The following NLGN1 variants were observed in gnomAD, a reference collection of about 807,000 sequenced individuals.
NLGN1 encodes neuroligin 1.
A neutral mutation model predicts 65.5 loss-of-function variants in NLGN1; 12 were observed. The ratio of observed to expected loss-of-function variants is 0.18; its 90% CI spans 0.12 to 0.30. The LOEUF (loss-of-function observed/expected upper bound fraction) is 0.30. Ranked by LOEUF, NLGN1 falls within the 10% of genes least tolerant of loss-of-function variation. The pLI, the probability that NLGN1 is intolerant of heterozygous loss-of-function variation, is 1.00. For synonymous variants in NLGN1, 350 were observed against 359.5 expected (o/e 0.97, Z 0.30); for missense variants, 750 against 1,007.1 (o/e 0.74, Z 3.46).
chr3:174,273,301 TC>T (rs1749835447), intron 4 of NLGN1, among the ~76,000 whole-genome samples: 1 of 151,674 alleles, frequency 6.6e-6, no homozygotes, highest in African/African-American at 2.4e-5. Flanking sequence ...ACTCTCTCTC[TC>T]TCTCACACGC....
At chr3:174,243,559 A>G (rs142621531) in intron 4 of NLGN1, among the ~76,000 whole-genome samples, 3 of 152,132 alleles carry the variant, frequency 2.0e-5, no homozygotes, top group African/African-American at 4.8e-5. Context: ...AAATTCCCCT[A>G]TGTAATTCCT....
intron 4 of NLGN1, among the ~76,000 whole-genome samples, chr3:173,917,816 G>A (rs192642703): frequency 3.2e-4 from 47 of 146,616 alleles, no homozygotes; most frequent in Admixed American, 2.9e-3. Flanking sequence ...TAGGAAGGGC[G>A]CTCTGAAATT....
rs567803551 is a variant in NLGN1, at chr3:174,145,383, C to T, written c.647-129932C>T. ...CAAAAATTAGCTGGGCTTGGTGGCG[C>T]GCACCTGTAGTTCCAGTTACTCAGA... On this transcript the variant is annotated intron_variant, in intron 4 of 6. Coordinates refer to ENST00000457714, the Ensembl canonical transcript of NLGN1. Among the ~76,000 whole-genome samples the T allele has an allele frequency of 1.3e-3, 196 of 151,882 alleles. 1 individual carries two copies. In the Middle Eastern group the frequency reaches 0.014, roughly 11 times the overall value.
intron 3 of NLGN1, among the ~76,000 whole-genome samples, chr3:173,630,809 ACTT>A (rs1755571797): frequency 6.6e-6 from 1 of 152,086 alleles, no homozygotes; most frequent in Admixed American, 6.6e-5. Context: ...CATGCCATAA[ACTT>A]CTTGATTTGG....
chr3:173,961,868 G>T (rs919281810), intron 4 of NLGN1, among the ~76,000 whole-genome samples: 2 of 151,890 alleles, frequency 1.3e-5, no homozygotes, highest in African/African-American at 2.4e-5. Flanking sequence ...TAACAGGGAG[G>T]TCTCTCCTGC....
chr3:173,550,955 T>C (rs559500539), intron 2 of NLGN1, among the ~76,000 whole-genome samples: 88 of 152,320 alleles, frequency 5.8e-4, no homozygotes, highest in Admixed American at 3.3e-3. Context: ...CCGATTTTTC[T>C]CCCTATACAC....
chr3:173,993,629 A>G (rs896256794), intron 4 of NLGN1, among the ~76,000 whole-genome samples: 1 of 145,840 alleles, frequency 6.9e-6, no homozygotes, highest in Non-Finnish European at 1.5e-5. Context: ...AAAACAGAAT[A>G]TAGATAGAAA....
intron 4 of NLGN1, among the ~76,000 whole-genome samples, chr3:174,113,348 A>G (rs559163652): frequency 6.6e-5 from 10 of 152,122 alleles, no homozygotes; most frequent in Admixed American, 1.3e-4. Context: ...AAATGTTTCT[A>G]AGGAAGATTG....
At chr3:174,065,303 G>A (rs1300908924) in intron 4 of NLGN1, among the ~76,000 whole-genome samples, 1 of 151,904 alleles carries the variant, frequency 6.6e-6, no homozygotes, top group Admixed American at 6.6e-5. Flanking sequence ...GTGAGAGAGG[G>A]AAACAGAGAG....
chr3:173,531,769 A>C (rs1417521343), intron 2 of NLGN1, among the ~76,000 whole-genome samples: 1 of 152,128 alleles, frequency 6.6e-6, no homozygotes, highest in Non-Finnish European at 1.5e-5. Flanking sequence ...CTAAAGCTCT[A>C]CCTTACATTT....
At chr3:173,892,081 G>C (rs2152131282) in intron 4 of NLGN1, among the ~76,000 whole-genome samples, 1 of 152,034 alleles carries the variant, frequency 6.6e-6, no homozygotes, top group Non-Finnish European at 1.5e-5. Flanking sequence ...ATGGAATCCT[G>C]ATGCGTGAGA....
At chr3:173,785,722 T>C (rs544717299) in intron 3 of NLGN1, among the ~76,000 whole-genome samples, 16 of 152,258 alleles carry the variant, frequency 1.1e-4, no homozygotes, top group African/African-American at 3.6e-4. Context: ...TATAAGAGTG[T>C]ATGTATAATC....
chr3:173,552,693 T>G (rs1741069167), intron 2 of NLGN1, among the ~76,000 whole-genome samples: 1 of 152,118 alleles, frequency 6.6e-6, no homozygotes, highest in African/African-American at 2.4e-5. Context: ...GGAGCCAGGC[T>G]CCTCCTGCCT....
At chr3:174,158,366 A>C (rs1725848090) in intron 4 of NLGN1, among the ~76,000 whole-genome samples, 1 of 151,842 alleles carries the variant, frequency 6.6e-6, no homozygotes, top group Admixed American at 6.6e-5. Flanking sequence ...ATGTGGAAAT[A>C]AAATATAAGT....
intron 4 of NLGN1, among the ~76,000 whole-genome samples, chr3:174,120,344 TAA>T: frequency 7.1e-6 from 1 of 141,728 alleles, no homozygotes; most frequent in African/African-American, 2.6e-5. Flanking sequence ...CTACTATAAA[TAA>T]AAAAAAAAAA....
chr3:173,786,470 G>A (rs1452409999), intron 3 of NLGN1, among the ~76,000 whole-genome samples: 1 of 152,032 alleles, frequency 6.6e-6, no homozygotes, highest in Non-Finnish European at 1.5e-5. Context: ...AAATAGTATT[G>A]AAAATCATTC....
chr3:173,822,612 G>C (rs773918024), intron 4 of NLGN1, among the ~76,000 whole-genome samples: 1 of 152,002 alleles, frequency 6.6e-6, no homozygotes, highest in Non-Finnish European at 1.5e-5. Flanking sequence ...AAAGAAATCT[G>C]ACATTTAAAA....
At chr3:174,013,655 A>G (rs770492594) in intron 4 of NLGN1, among the ~76,000 whole-genome samples, 4 of 152,190 alleles carry the variant, frequency 2.6e-5, no homozygotes, top group Non-Finnish European at 5.9e-5. Context: ...AAAACATTAG[A>G]TAAATATCGA....
intron 3 of NLGN1, among the ~76,000 whole-genome samples, chr3:173,659,612 A>G (rs1760616788): frequency 2.0e-5 from 3 of 151,848 alleles, no homozygotes; most frequent in African/African-American, 7.2e-5. Flanking sequence ...CAGCTAACAT[A>G]TTGGGTTTAT....
Sources: gnomAD v4.1 joint callset for allele counts (sites outside exome capture counted in the v4.1 genomes callset) on GRCh38, gnomAD v4.1.1 for gene constraint, MANE v1.5 for transcripts, NCBI Gene and HGNC (gene_info 2026-07-23, HGNC 2026-07-21) for gene names.